GPC5: variants seen among roughly 807,000 people sequenced by gnomAD.
The protein encoded by GPC5 is glypican 5.
In GPC5, 47 loss-of-function variants were observed where a neutral mutation model predicts 53.9. The observed-to-expected ratio is 0.87, with a 90% CI of 0.69 to 1.11. The LOEUF is 1.11. Among genes scored for constraint, GPC5 ranks in the 50% most tolerant of loss-of-function variants. GPC5 has a pLI of 0.00. For synonymous variants in GPC5, 286 were observed against 263.3 expected (o/e 1.09, Z -0.84); for missense variants, 748 against 713.1 (o/e 1.05, Z -0.56).
intron 3 of GPC5, among the ~76,000 whole-genome samples, chr13:91,699,638 G>A (rs1335232614): frequency 3.9e-5 from 6 of 152,182 alleles, no homozygotes; most frequent in African/African-American, 1.4e-4. Flanking sequence ...ACAATTGAGA[G>A]CGGAAAATAT....
At chr13:92,243,354 T>C (rs1255750754) in intron 7 of GPC5, among the ~76,000 whole-genome samples, 1 of 152,230 alleles carries the variant, frequency 6.6e-6, no homozygotes, top group East Asian at 1.9e-4. Context: ...GCAGTATAAG[T>C]AATTTGTAGA....
At chr13:91,719,652 G>A (rs529397323) in intron 3 of GPC5, among the ~76,000 whole-genome samples, 36 of 152,246 alleles carry the variant, frequency 2.4e-4, no homozygotes, top group African/African-American at 8.4e-4. Context: ...AATTGAAAAA[G>A]AAGAATATAA....
chr13:92,673,200 CAAT>C (rs1321141279), intron 7 of GPC5, among the ~76,000 whole-genome samples: 3 of 151,852 alleles, frequency 2.0e-5, no homozygotes, highest in Non-Finnish European at 2.9e-5. Context: ...TTTTCAACAA[CAAT>C]GTTATATTTA....
intron 7 of GPC5, among the ~76,000 whole-genome samples, chr13:92,800,752 C>T (rs948523571): frequency 1.3e-5 from 2 of 151,750 alleles, no homozygotes; most frequent in Non-Finnish European, 2.9e-5. Context: ...ATACAGAGTT[C>T]ATTAAGAGGA....
chr13:91,913,819 T>C (rs776499232), intron 6 of GPC5, among the ~76,000 whole-genome samples: 2 of 152,234 alleles, frequency 1.3e-5, no homozygotes, highest in Non-Finnish European at 2.9e-5. Flanking sequence ...TATTTGTCCT[T>C]TTGAAAATCA....
At chr13:92,585,519 G>T (rs1190673910) in intron 7 of GPC5, among the ~76,000 whole-genome samples, 2 of 152,172 alleles carry the variant, frequency 1.3e-5, no homozygotes, top group Non-Finnish European at 2.9e-5. Context: ...CAGGCTCATG[G>T]GAGGAAGGGA....
At chr13:91,888,712 A>G (rs189499002) in intron 5 of GPC5, among the ~76,000 whole-genome samples, 17 of 152,258 alleles carry the variant, frequency 1.1e-4, no homozygotes, top group African/African-American at 4.1e-4. Context: ...GCTGTATTTT[A>G]CTCAGAAAAT....
At chr13:92,643,200 T>G (rs546628159) in intron 7 of GPC5, among the ~76,000 whole-genome samples, 67 of 152,238 alleles carry the variant, frequency 4.4e-4, no homozygotes, top group African/African-American at 1.6e-3. Context: ...TGGTAGTTTC[T>G]TTTGCTGTGC....
At chr13:91,800,553 A>G (rs1405495759) in intron 5 of GPC5, among the ~76,000 whole-genome samples, 2 of 152,046 alleles carry the variant, frequency 1.3e-5, no homozygotes, top group African/African-American at 4.8e-5. Context: ...CTCTTATAAT[A>G]TCTTCACTGT....
intron 6 of GPC5, among the ~76,000 whole-genome samples, chr13:92,125,923 GGTTTTTT>G (rs2041691491): frequency 2.4e-5 from 1 of 41,536 alleles, no homozygotes; most frequent in Non-Finnish European, 4.9e-5. Flanking sequence ...TTTGTTTTTT[GGTTTTTT>G]TTTTTTTTTT....
chr13:92,299,329 C>T (rs768008950), intron 7 of GPC5, among the ~76,000 whole-genome samples: 44 of 152,218 alleles, frequency 2.9e-4, no homozygotes, highest in Middle Eastern at 6.8e-3. Flanking sequence ...AGTCTCTTGA[C>T]GGCAGCTGCT....
intron 7 of GPC5, among the ~76,000 whole-genome samples, chr13:92,768,666 A>G (rs1161280174): frequency 6.6e-6 from 1 of 151,782 alleles, no homozygotes; most frequent in Non-Finnish European, 1.5e-5. Flanking sequence ...TGTTATTTGC[A>G]CCATCATTCT....
At chr13:92,819,982 C>T (rs1030425199) in intron 7 of GPC5, among the ~76,000 whole-genome samples, 9 of 152,098 alleles carry the variant, frequency 5.9e-5, no homozygotes, top group African/African-American at 1.9e-4. Context: ...CATGTCCATA[C>T]CCCATTTTTT....
At chr13:91,826,638 G>T (rs1484175688) in intron 5 of GPC5, among the ~76,000 whole-genome samples, 2 of 152,140 alleles carry the variant, frequency 1.3e-5, no homozygotes, top group African/African-American at 4.8e-5. Context: ...TGACATCAAA[G>T]TTTAAATTAA....
rs1409311569 is a variant in GPC5 at position 91,571,930 on chromosome 13, T to C, written c.326-121257T>C. On this transcript the variant is annotated intron_variant, in intron 2 of 7. Coordinates refer to ENST00000377067, the MANE Select transcript of GPC5 (RefSeq NM_004466.6). Reference sequence around the variant, plus strand: ...TGTATATATACACATATTGTATATATACACACATGTATATACATATACACA... The same window carrying C: ...TGTATATATACACATATTGTATATACACACACATGTATATACATATACACA... 1.8e-3 allele frequency among the ~76,000 whole-genome samples: 209 copies of C among 116,108 alleles called. 10 individuals are homozygous for C. Among genetic ancestry groups the C allele is most frequent in the South Asian group, 0.01 (24 of 2,308 alleles). 76.2% of individuals were successfully genotyped at this position (116,108 alleles called of 152,430 possible).
rs4771836 is a variant in GPC5, at chr13:91,493,569, A to T, written c.325+44647A>T. 6.6e-5 allele frequency among the ~76,000 whole-genome samples: 10 copies of T among 151,894 alleles called. No homozygotes were observed. In the East Asian group the frequency reaches 1.9e-3, roughly 30 times the overall value. ...CCATGAGTCTAATTGTTTTGATTTT[A>T]GACCCCACAAATCAGTGAGAACCTG... On this transcript the variant is annotated intron_variant, in intron 2 of 7. Coordinates refer to ENST00000377067, the MANE Select transcript of GPC5 (RefSeq NM_004466.6).
intron 5 of GPC5, among the ~76,000 whole-genome samples, chr13:91,906,541 G>A (rs1049380246): frequency 2.6e-5 from 4 of 151,948 alleles, no homozygotes; most frequent in Non-Finnish European, 4.4e-5. Flanking sequence ...TTTTAAAAAT[G>A]TAATAAAATG....
chr13:91,758,862 C>A (rs190156657), intron 5 of GPC5, among the ~76,000 whole-genome samples: 7 of 152,238 alleles, frequency 4.6e-5, no homozygotes, highest in Admixed American at 2.0e-4. Context: ...ATTCTTCCAA[C>A]CTCATCACCT....
At chr13:91,530,834 G>A (rs1886308698) in intron 2 of GPC5, among the ~76,000 whole-genome samples, 1 of 152,128 alleles carries the variant, frequency 6.6e-6, no homozygotes, top group African/African-American at 2.4e-5. Context: ...TATTTAAAGT[G>A]TATGACTATA....
Sources: gnomAD v4.1 joint callset for allele counts (sites outside exome capture counted in the v4.1 genomes callset) on GRCh38, gnomAD v4.1.1 for gene constraint, MANE v1.5 for transcripts, NCBI Gene and HGNC (gene_info 2026-07-23, HGNC 2026-07-21) for gene names.